Variants in FOXP2 observed in about 807,000 individuals in gnomAD.
FOXP2 encodes forkhead box protein P2.
FOXP2 carries 12 observed loss-of-function variants against 115.8 expected under a neutral mutation model. The ratio of observed to expected loss-of-function variants is 0.10; its 90% CI spans 0.07 to 0.17. The LOEUF is 0.17. FOXP2 is among the 10% of genes least tolerant of loss of function. FOXP2 has a pLI of 1.00. For synonymous variants in FOXP2, 328 were observed against 297.7 expected, an observed-to-expected ratio of 1.10 and a Z score of -1.05; for missense variants, 629 against 843.5, an observed-to-expected ratio of 0.75 and a Z score of 3.15.
At chr7:114,528,650 G>A (rs1798989338) in intron 2 of FOXP2, among the ~76,000 whole-genome samples, 1 of 151,802 alleles carries the variant, frequency 6.6e-6, no homozygotes, top group African/African-American at 2.4e-5. Context: ...TTTACATATT[G>A]TAGTATAATT....
intron 2 of FOXP2, among the ~76,000 whole-genome samples, chr7:114,495,026 G>C (rs935607104): frequency 2.0e-5 from 3 of 152,166 alleles, no homozygotes; most frequent in East Asian, 1.9e-4. Flanking sequence ...TTTGTGAGAA[G>C]GTAGCATTAC....
Position 114,135,153 on chromosome 7 carries a change from G to A in FOXP2, c.-246-27791G>A, listed in dbSNP as rs140189832. ...GCTATACCAATTTCTAATCCCTTTA[G>A]CAATATGGAAACATATTTTACTGGT... is the stretch of plus-strand genomic sequence containing the variant. On this transcript the variant is annotated intron_variant, in intron 1 of 19. Transcript: ENST00000635638. Among the ~76,000 whole-genome samples, 31 of 152,168 alleles carry A rather than the reference G, an allele frequency of 2.0e-4. No homozygotes were observed. The East Asian group carries it at 5.4e-3, about 27-fold the overall frequency.
intron 3 of FOXP2, among the ~76,000 whole-genome samples, chr7:114,596,905 G>T (rs1802744716): frequency 1.3e-5 from 2 of 152,026 alleles, no homozygotes; most frequent in South Asian, 4.1e-4. Context: ...TATAGTCTCA[G>T]CCCTGACCTC....
chr7:114,259,000 A>G (rs1359642767), intron 1 of FOXP2, among the ~76,000 whole-genome samples: 2 of 152,178 alleles, frequency 1.3e-5, no homozygotes, highest in Non-Finnish European at 2.9e-5. Context: ...CATATATTGT[A>G]GAAGAGTATG....
chr7:114,238,229 A>G (rs552511327), intron 1 of FOXP2, among the ~76,000 whole-genome samples: 21 of 152,288 alleles, frequency 1.4e-4, no homozygotes, highest in African/African-American at 5.1e-4. Context: ...TTCCCAAGAC[A>G]GAACTTGACC....
intron 2 of FOXP2, among the ~76,000 whole-genome samples, chr7:114,458,756 TCTTCCAAATTGCTTGATG>T (rs1197895725): frequency 6.6e-6 from 1 of 152,066 alleles, no homozygotes; most frequent in Non-Finnish European, 1.5e-5. Context: ...ATTGCTTGAC[TCTTCCAAATTGCTTGATG>T]CTTCCAAATT....
intron 13 of FOXP2, chr7:114,661,774 A>T (rs1380235987): frequency 5.3e-6 from 2 of 377,182 alleles, no homozygotes; most frequent in Admixed American, 3.8e-5. Flanking sequence ...ATTTTCAAAG[A>T]TACTGTAATT....
At chr7:114,687,858 T>C (rs1365577098) in intron 16 of FOXP2, among the ~76,000 whole-genome samples, 2 of 151,932 alleles carry the variant, frequency 1.3e-5, no homozygotes, top group Non-Finnish European at 2.9e-5. Context: ...ATGTAATGAG[T>C]TCTAATTAAA....
intron 3 of FOXP2, among the ~76,000 whole-genome samples, chr7:114,625,989 T>G (rs1169067134): frequency 6.6e-6 from 1 of 151,780 alleles, no homozygotes; most frequent in Admixed American, 6.6e-5. Context: ...TATTTATTTT[T>G]ATATCTGTAT....
chr7:114,628,475 G>T, intron 3 of FOXP2, 65 bp from the exon 4 acceptor site: 1 of 1,590,452 alleles, frequency 6.3e-7, no homozygotes, highest in Non-Finnish European at 8.6e-7. Flanking sequence ...TACTATTTGT[G>T]AAGTTGATTA....
Position 114,691,360 on chromosome 7 carries a change from T to C in FOXP2, c.*1434T>C. ...TTTTAAAGTGATCTAGCTGAGTTTT[T>C]ACACTGAAAGCAAAGATTATAGCAA... On this transcript the variant is annotated 3_prime_UTR_variant, in exon 17 of 17. Coordinates refer to ENST00000350908, the MANE Select transcript of FOXP2 (RefSeq NM_014491.4). 6.6e-6 allele frequency: 3 copies of C among 454,004 alleles called. No homozygotes were observed. The highest frequency in any genetic ancestry group is 1.3e-5 in the Non-Finnish European group (3 of 226,750). The allele number at this position is 454,004 out of a possible 1,614,324, so 28.1% of individuals were successfully genotyped here.
intron 1 of FOXP2, among the ~76,000 whole-genome samples, chr7:114,177,908 TTCTG>T (rs1584526615): frequency 6.6e-6 from 1 of 151,958 alleles, no homozygotes; most frequent in African/African-American, 2.4e-5. Context: ...AACTTACTCC[TTCTG>T]TCTAACTGAA....
Position 114,690,106 on chromosome 7 carries a change from C to T in FOXP2, c.*180C>T. On this transcript the variant is annotated 3_prime_UTR_variant, in exon 17 of 17. Transcript: ENST00000350908. The stretch of plus-strand genomic sequence containing the variant: ...GGATTCAGTACCAACAGGCAAATTG[C>T]TTGTTTTCTTCTTCTTCTTCTTCTT... The T allele has an allele frequency of 1.5e-6, 1 of 668,442 alleles. No homozygotes were observed. Among genetic ancestry groups the T allele is most frequent in the Non-Finnish European group, 2.6e-6 (1 of 378,700 alleles). 41.4% of individuals were successfully genotyped at this position (668,442 alleles called of 1,614,324 possible).
At chr7:114,553,811 G>C (rs1320713268) in intron 3 of FOXP2, among the ~76,000 whole-genome samples, 1 of 152,020 alleles carries the variant, frequency 6.6e-6, no homozygotes, top group Non-Finnish European at 1.5e-5. Flanking sequence ...ATGGAATCCA[G>C]TTTTGAAAAA....
chr7:114,582,663 T>C (rs1407433172), intron 3 of FOXP2, among the ~76,000 whole-genome samples: 1 of 152,214 alleles, frequency 6.6e-6, no homozygotes, highest in East Asian at 1.9e-4. Flanking sequence ...ATGAAACATT[T>C]AGATAATATT....
intron 2 of FOXP2, among the ~76,000 whole-genome samples, chr7:114,479,338 TCTAGTTCATCA>T (rs1431571745): frequency 2.6e-5 from 4 of 151,628 alleles, no homozygotes; most frequent in Admixed American, 1.3e-4. Flanking sequence ...ATAGAGGGAA[TCTAGTTCATCA>T]CTAGTTTGCT....
intron 2 of FOXP2, among the ~76,000 whole-genome samples, chr7:114,361,563 G>A (rs1219467409): frequency 6.6e-6 from 1 of 151,856 alleles, no homozygotes; most frequent in Non-Finnish European, 1.5e-5. Context: ...TTTCAATGGG[G>A]CAAAAAGTTT....
At chr7:114,662,014 T>TA in intron 13 of FOXP2, 51 bp from the exon 14 acceptor site, 2 of 1,607,022 alleles carry the variant, frequency 1.2e-6, no homozygotes, top group Non-Finnish European at 8.5e-7. Flanking sequence ...TGGGCTGCCT[T>TA]ATTAGACAAT....
intron 1 of FOXP2, among the ~76,000 whole-genome samples, chr7:114,286,993 C>T (rs1229964081): frequency 4.6e-5 from 7 of 151,978 alleles, no homozygotes; most frequent in Admixed American, 4.6e-4. Context: ...GCAAGTGATG[C>T]CAGTCATCCT....
Sources: gnomAD v4.1 joint callset for allele counts (sites outside exome capture counted in the v4.1 genomes callset) on GRCh38, gnomAD v4.1.1 for gene constraint, MANE v1.5 for transcripts, NCBI Gene and HGNC (gene_info 2026-07-23, HGNC 2026-07-21) for gene names.